KCNAB1: variants seen among roughly 807,000 people sequenced by gnomAD.
KCNAB1 encodes voltage-gated potassium channel subunit beta-1.
Under a neutral mutation model 64.6 loss-of-function variants are expected in KCNAB1, and 35 were observed. The ratio of observed to expected loss-of-function variants is 0.54; its 90% CI spans 0.41 to 0.72. The LOEUF (loss-of-function observed/expected upper bound fraction) is 0.72, where lower values mean the gene tolerates loss of function less well. KCNAB1 is among the 30% of genes least tolerant of loss of function. The pLI is 0.00. For synonymous variants in KCNAB1, 177 were observed against 183.8 expected (o/e 0.96, Z 0.30); for missense variants, 401 against 512.9 (o/e 0.78, Z 2.11).
intron 2 of KCNAB1, among the ~76,000 whole-genome samples, chr3:156,426,214 C>A (rs1715805590): frequency 1.3e-5 from 2 of 152,140 alleles, no homozygotes; most frequent in South Asian, 4.1e-4. Flanking sequence ...CAAGGAGGAG[C>A]AAAGGCTCCA....
At chr3:156,524,806 G>A (rs1360137119) in intron 12 of KCNAB1, among the ~76,000 whole-genome samples, 2 of 141,890 alleles carry the variant, frequency 1.4e-5, no homozygotes, top group East Asian at 2.2e-4. Flanking sequence ...CACTGTTTGA[G>A]AGAAAGATAA....
intron 1 of KCNAB1, among the ~76,000 whole-genome samples, chr3:156,392,047 C>T (rs993665657): frequency 6.6e-6 from 1 of 152,192 alleles, no homozygotes; most frequent in African/African-American, 2.4e-5. Context: ...TCGGGCCCCA[C>T]TCACAGACAC....
intron 1 of KCNAB1, among the ~76,000 whole-genome samples, chr3:156,154,766 G>T (rs1409079096): frequency 6.6e-6 from 1 of 152,168 alleles, no homozygotes; most frequent in East Asian, 1.9e-4. Flanking sequence ...CTCAGCAAAG[G>T]TAGTCAGTGC....
intron 8 of KCNAB1, among the ~76,000 whole-genome samples, chr3:156,481,398 C>G (rs1174223420): frequency 4.2e-5 from 6 of 143,886 alleles, no homozygotes; most frequent in Admixed American, 1.4e-4. Flanking sequence ...GAAGATGAGC[C>G]AAACCCAGCC....
At chr3:156,324,647 T>A (rs964067854) in intron 1 of KCNAB1, among the ~76,000 whole-genome samples, 3 of 152,158 alleles carry the variant, frequency 2.0e-5, no homozygotes, top group African/African-American at 7.2e-5. Flanking sequence ...AGGCCTCTCA[T>A]GTTTCCCAGG....
At chr3:156,395,418 G>A (rs979925710) in intron 1 of KCNAB1, among the ~76,000 whole-genome samples, 2 of 148,488 alleles carry the variant, frequency 1.3e-5, no homozygotes, top group South Asian at 2.1e-4. Flanking sequence ...AGTGGCGGGC[G>A]CCTGTAGTCC....
rs192897457 is a variant in KCNAB1 at position 156,475,007 on chromosome 3, T to G, written c.658+187T>G. Among the ~76,000 whole-genome samples the G allele has an allele frequency of 8.0e-3, 1,222 of 152,296 alleles. 9 individuals are homozygous for G. The highest frequency in any genetic ancestry group is 0.013 in the Non-Finnish European group (853 of 68,016). Reference sequence around the variant, plus strand: ...AAACCAATGCTCTGCGTGCTGCGTCTTCTTCTTTTAAAGCAGTTGAAGGCA... The same window carrying G: ...AAACCAATGCTCTGCGTGCTGCGTCGTCTTCTTTTAAAGCAGTTGAAGGCA... On this transcript the variant is annotated intron_variant, in intron 8 of 13. Coordinates refer to ENST00000490337, the MANE Select transcript of KCNAB1 (RefSeq NM_172160.3).
intron 11 of KCNAB1, 91 bp downstream of exon 11, chr3:156,516,455 C>G: frequency 2.2e-6 from 2 of 920,912 alleles, no homozygotes; most frequent in Non-Finnish European, 3.6e-6. Flanking sequence ...TAGGGCTTCC[C>G]AGCTCAGGCT....
intron 1 of KCNAB1, among the ~76,000 whole-genome samples, chr3:156,351,797 G>A (rs1314154549): frequency 1.3e-5 from 2 of 152,156 alleles, no homozygotes; most frequent in Non-Finnish European, 1.5e-5. Flanking sequence ...GCAATTCAGG[G>A]TCTCTCTCCC....
At chr3:156,410,326 C>T (rs1474767458) in intron 1 of KCNAB1, among the ~76,000 whole-genome samples, 1 of 152,036 alleles carries the variant, frequency 6.6e-6, no homozygotes, top group Non-Finnish European at 1.5e-5. Context: ...TATTGTTGTT[C>T]TTAGCTTTAC....
chr3:156,213,425 G>T (rs142311623), intron 1 of KCNAB1, among the ~76,000 whole-genome samples: 3 of 152,090 alleles, frequency 2.0e-5, no homozygotes, highest in Non-Finnish European at 4.4e-5. Context: ...TGTTGACCAG[G>T]CTGGTCTTGA....
chr3:156,291,994 C>T (rs763268221), intron 1 of KCNAB1: 2 of 1,614,142 alleles, frequency 1.2e-6, no homozygotes, highest in East Asian at 2.2e-5. Flanking sequence ...GCTCCACCGC[C>T]CCCAATGTGG....
intron 7 of KCNAB1, among the ~76,000 whole-genome samples, chr3:156,466,957 A>G (rs1207763758): frequency 6.6e-6 from 1 of 152,062 alleles, no homozygotes; most frequent in Non-Finnish European, 1.5e-5. Context: ...CAAATTTATG[A>G]TGGGATTACA....
intron 1 of KCNAB1, among the ~76,000 whole-genome samples, chr3:156,202,016 C>G (rs572199654): frequency 6.6e-6 from 1 of 152,244 alleles, no homozygotes; most frequent in Non-Finnish European, 1.5e-5. Context: ...TCAGACAGGG[C>G]TCATCTCATT....
intron 1 of KCNAB1, chr3:156,291,140 G>A (rs1198768292): frequency 8.1e-6 from 8 of 985,414 alleles, no homozygotes; most frequent in Admixed American, 6.1e-5. Context: ...TGGTGCAAGT[G>A]ATCTTTGCCT....
intron 2 of KCNAB1, among the ~76,000 whole-genome samples, chr3:156,439,192 CA>C (rs34540022): frequency 0.066 from 8,777 of 132,032 alleles, 361 homozygotes; most frequent in South Asian, 0.1. Flanking sequence ...TGTAAATTCT[CA>C]AAAAAAAAAG....
At chr3:156,532,648 C>A (rs1718782557) in intron 13 of KCNAB1, among the ~76,000 whole-genome samples, 1 of 152,188 alleles carries the variant, frequency 6.6e-6, no homozygotes, top group Non-Finnish European at 1.5e-5. Flanking sequence ...ATTCCCCCAA[C>A]CTTTCTTAGG....
chr3:156,445,245 C>T (rs111904185), intron 2 of KCNAB1, among the ~76,000 whole-genome samples: 1 of 152,008 alleles, frequency 6.6e-6, no homozygotes, highest in Non-Finnish European at 1.5e-5. Context: ...GCAGTGAGCC[C>T]AGATTGTGCC....
chr3:156,223,273 A>C (rs1446023027), intron 1 of KCNAB1, among the ~76,000 whole-genome samples: 1 of 152,352 alleles, frequency 6.6e-6, no homozygotes, highest in East Asian at 1.9e-4. Context: ...AAAGAGTGAA[A>C]GAACAAAGCT....
Sources: gnomAD v4.1 joint callset for allele counts (sites outside exome capture counted in the v4.1 genomes callset) on GRCh38, gnomAD v4.1.1 for gene constraint, MANE v1.5 for transcripts, NCBI Gene and HGNC (gene_info 2026-07-23, HGNC 2026-07-21) for gene names.